The following PCDH9 variants were observed in gnomAD, a reference collection of about 807,000 sequenced individuals.
The protein encoded by PCDH9 is protocadherin-9.
A neutral mutation model predicts 70.6 loss-of-function variants in PCDH9; 24 were observed. That is an observed-to-expected ratio of 0.34 (90% CI 0.25 to 0.48). PCDH9 has a LOEUF of 0.48. Ranked by LOEUF, PCDH9 falls within the 20% of genes least tolerant of loss-of-function variation. The pLI, the probability that PCDH9 is intolerant of heterozygous loss-of-function variation, is 0.99. For missense variants in PCDH9, 1,281 were observed against 1,503.6 expected, an observed-to-expected ratio of 0.85 and a Z score of 2.45; for synonymous variants, 562 against 558.5, an observed-to-expected ratio of 1.01 and a Z score of -0.09.
At chr13:66,415,996 C>T (rs1957453426) in intron 4 of PCDH9, among the ~76,000 whole-genome samples, 1 of 152,088 alleles carries the variant, frequency 6.6e-6, no homozygotes, top group South Asian at 2.1e-4. Flanking sequence ...ATTGGTTTCC[C>T]TTGTAATCTT....
intron 4 of PCDH9, among the ~76,000 whole-genome samples, chr13:66,447,428 T>A (rs1473477016): frequency 6.6e-6 from 1 of 152,068 alleles, no homozygotes; most frequent in African/African-American, 2.4e-5. Flanking sequence ...TGATACTATG[T>A]CAAAGGAATC....
intron 2 of PCDH9, among the ~76,000 whole-genome samples, chr13:67,068,948 T>G (rs1292456255): frequency 6.6e-6 from 1 of 151,928 alleles, no homozygotes; most frequent in Non-Finnish European, 1.5e-5. Context: ...AATTAAAAAT[T>G]GTCATCCTAT....
At chr13:67,024,370 G>A (rs1175273500) in intron 2 of PCDH9, among the ~76,000 whole-genome samples, 3 of 152,094 alleles carry the variant, frequency 2.0e-5, no homozygotes, top group Non-Finnish European at 4.4e-5. Context: ...GAGGTGTGCA[G>A]TACTCTATAG....
intron 3 of PCDH9, among the ~76,000 whole-genome samples, chr13:66,804,464 G>C (rs1380861960): frequency 2.6e-5 from 4 of 151,920 alleles, no homozygotes; most frequent in Non-Finnish European, 4.4e-5. Flanking sequence ...AAAGTTTCTT[G>C]GTTGAGATAG....
intron 2 of PCDH9, among the ~76,000 whole-genome samples, chr13:66,934,270 A>C (rs2082866814): frequency 6.6e-6 from 1 of 152,140 alleles, no homozygotes; most frequent in Non-Finnish European, 1.5e-5. Context: ...GGTGACTCCC[A>C]TCTGTAATCC....
At chr13:67,070,094 TAG>T (rs1192136322) in intron 2 of PCDH9, among the ~76,000 whole-genome samples, 11 of 62,566 alleles carry the variant, frequency 1.8e-4, no homozygotes, top group Non-Finnish European at 4.5e-4. Flanking sequence ...TTAAATAAAA[TAG>T]AGTTATTTAA....
At chr13:66,533,639 T>C (rs1290491276) in intron 4 of PCDH9, among the ~76,000 whole-genome samples, 2 of 152,134 alleles carry the variant, frequency 1.3e-5, no homozygotes, top group East Asian at 1.9e-4. Flanking sequence ...ATAAAAGTTG[T>C]CTGAAATAAA....
chr13:66,808,658 T>G (rs1045456080), intron 3 of PCDH9, among the ~76,000 whole-genome samples: 1 of 152,198 alleles, frequency 6.6e-6, no homozygotes, highest in African/African-American at 2.4e-5. Context: ...TGCTTCCCTG[T>G]AAAGCACTAG....
chr13:66,877,015 A>G (rs1263915610), intron 3 of PCDH9: 1 of 149,520 alleles, frequency 6.7e-6, no homozygotes, highest in Non-Finnish European at 1.5e-5. Context: ...GCTCCTGACA[A>G]TGTTTGATGT....
intron 4 of PCDH9, among the ~76,000 whole-genome samples, chr13:66,375,107 C>T (rs1448404323): frequency 6.6e-6 from 1 of 152,066 alleles, no homozygotes; most frequent in Non-Finnish European, 1.5e-5. Flanking sequence ...TAAACGATAA[C>T]ATAAATTTCA....
intron 4 of PCDH9, among the ~76,000 whole-genome samples, chr13:66,433,975 T>A (rs1348448211): frequency 6.6e-6 from 1 of 151,896 alleles, no homozygotes; most frequent in Non-Finnish European, 1.5e-5. Context: ...ATCAGAGTGA[T>A]ATTATTCATG....
chr13:66,536,290 T>A (rs1960700317), intron 4 of PCDH9, among the ~76,000 whole-genome samples: 1 of 152,094 alleles, frequency 6.6e-6, no homozygotes, highest in South Asian at 2.1e-4. Flanking sequence ...TGATTCCTTG[T>A]CCAGTGCTCT....
At chr13:66,640,959 T>C (rs1442282105) in intron 3 of PCDH9, among the ~76,000 whole-genome samples, 1 of 152,094 alleles carries the variant, frequency 6.6e-6, no homozygotes, top group Non-Finnish European at 1.5e-5. Context: ...CACTGCAACC[T>C]CTGCCTCCCG....
At chr13:66,420,582 A>G (rs896577079) in intron 4 of PCDH9, among the ~76,000 whole-genome samples, 5 of 152,192 alleles carry the variant, frequency 3.3e-5, no homozygotes, top group Admixed American at 6.5e-5. Context: ...GCAGACCTGC[A>G]CAAGAGAGGC....
intron 2 of PCDH9, among the ~76,000 whole-genome samples, chr13:67,051,850 G>A (rs960922727): frequency 2.0e-5 from 3 of 152,050 alleles, no homozygotes; most frequent in Admixed American, 2.0e-4. Context: ...GTAATGAATA[G>A]ATTATACAAC....
chr13:66,468,226 A>G (rs2138473293), intron 4 of PCDH9, among the ~76,000 whole-genome samples: 1 of 152,218 alleles, frequency 6.6e-6, no homozygotes, highest in East Asian at 1.9e-4. Context: ...AAAAACCTTC[A>G]ATGTGTTGCT....
At chr13:66,333,496 C>T (rs1047044779) in intron 4 of PCDH9, among the ~76,000 whole-genome samples, 1 of 152,094 alleles carries the variant, frequency 6.6e-6, no homozygotes, top group Non-Finnish European at 1.5e-5. Context: ...CCCCAAGGAC[C>T]AGCTACCTCT....
intron 4 of PCDH9, among the ~76,000 whole-genome samples, chr13:66,624,184 T>C (rs1328824028): frequency 1.3e-5 from 2 of 152,112 alleles, no homozygotes; most frequent in East Asian, 3.8e-4. Flanking sequence ...TGTCTGCTTT[T>C]GAATTAGTGA....
chr13:66,515,562 C>T lies in PCDH9; in HGVS notation c.3340+115648G>A, dbSNP rs1453847673. Among the ~76,000 whole-genome samples the T allele has an allele frequency of 1.4e-4, 22 of 151,898 alleles. 1 individual carries two copies. The highest frequency in any genetic ancestry group is 1.4e-3 in the Admixed American group (21 of 15,232). On this transcript the variant is annotated intron_variant, in intron 4 of 4. Coordinates refer to ENST00000377865, the MANE Select transcript of PCDH9 (RefSeq NM_203487.3). ...ATTATACTCCTGGGCAGTAGTAATG[C>T]TTTTATTTGGCATAAAAATTAGCAA...
Sources: allele counts gnomAD v4.1 joint callset (sites outside exome capture counted in the v4.1 genomes callset), GRCh38; gene constraint gnomAD v4.1.1; transcripts MANE v1.5; gene names NCBI Gene and HGNC (gene_info 2026-07-23, HGNC 2026-07-21).